Variants in OSBPL8 observed in about 807,000 individuals in gnomAD.
OSBPL8 encodes oxysterol-binding protein-related protein 8.
Under a neutral mutation model 125.5 loss-of-function variants are expected in OSBPL8, and 59 were observed. The ratio of observed to expected loss-of-function variants is 0.47; its 90% CI spans 0.38 to 0.58. The LOEUF is 0.58. Among genes scored for constraint, OSBPL8 ranks in the 20% least tolerant of loss-of-function variants. The probability of loss-of-function intolerance (pLI) is 0.00; values close to 1 mark genes in which losing one functional copy is unlikely to be tolerated. For synonymous variants in OSBPL8, 330 were observed against 338.9 expected (o/e 0.97, Z 0.29); for missense variants, 758 against 1,047.8 (o/e 0.72, Z 3.82).
intron 1 of OSBPL8, among the ~76,000 whole-genome samples, chr12:76,545,039 GTTAC>G (rs975965876): frequency 6.6e-6 from 1 of 152,124 alleles, no homozygotes; most frequent in Admixed American, 6.5e-5. Context: ...AGGTCACACA[GTTAC>G]TTACTAGGAA....
Position 76,426,357 on chromosome 12 carries a change from C to T in OSBPL8, c.218-15723G>A, listed in dbSNP as rs114235806. On this transcript the variant is annotated intron_variant, in intron 4 of 23. Coordinates refer to ENST00000261183, the MANE Select transcript of OSBPL8 (RefSeq NM_020841.5). ...TTTGAGTGTTGCCCAATCCATGAAT[C>T]GTTCTCACTCAAATACACTCTGTTA... 4.6e-3 allele frequency among the ~76,000 whole-genome samples: 693 copies of T among 152,274 alleles called. 7 individuals are homozygous for T. The highest frequency in any genetic ancestry group is 0.016 in the African/African-American group (661 of 41,554).
chr12:76,499,350 C>CTATCTATCTATCAATCATCT (rs71082312), intron 1 of OSBPL8, among the ~76,000 whole-genome samples: 1 of 107,480 alleles, frequency 9.3e-6, no homozygotes, highest in Non-Finnish European at 1.9e-5. Flanking sequence ...ATCTATCTAT[C>CTATCTATCTATCAATCATCT]ATCTATCTAT....
intron 1 of OSBPL8, among the ~76,000 whole-genome samples, chr12:76,537,630 C>T (rs1950535109): frequency 6.6e-6 from 1 of 152,068 alleles, no homozygotes; most frequent in African/African-American, 2.4e-5. Context: ...GACAACAGGC[C>T]AGGCACGGTG....
intron 1 of OSBPL8, among the ~76,000 whole-genome samples, chr12:76,551,469 A>G (rs1303825652): frequency 6.6e-6 from 1 of 152,246 alleles, no homozygotes; most frequent in East Asian, 1.9e-4. Context: ...AGAATTATCC[A>G]GCCCAAAATA....
At chr12:76,488,953 T>C (rs1206236223) in intron 1 of OSBPL8, among the ~76,000 whole-genome samples, 2 of 152,198 alleles carry the variant, frequency 1.3e-5, no homozygotes, top group Non-Finnish European at 2.9e-5. Context: ...GTAAAAGTTC[T>C]TGGAAGAAAT....
chr12:76,386,871 C>T (rs984272653), intron 12 of OSBPL8, among the ~76,000 whole-genome samples: 3 of 152,062 alleles, frequency 2.0e-5, no homozygotes, highest in Non-Finnish European at 4.4e-5. Context: ...TTTTCCTATT[C>T]TTTGATACAC....
chr12:76,512,197 TC>T (rs1245883397), intron 1 of OSBPL8, among the ~76,000 whole-genome samples: 4 of 152,320 alleles, frequency 2.6e-5, no homozygotes, highest in African/African-American at 9.6e-5. Context: ...ATCCTTTAAC[TC>T]CCACTTATAA....
intron 5 of OSBPL8, among the ~76,000 whole-genome samples, chr12:76,404,499 A>T (rs974762074): frequency 1.3e-5 from 2 of 152,088 alleles, no homozygotes; most frequent in African/African-American, 4.8e-5. Flanking sequence ...CGGAAGTTAC[A>T]CTGAGTGTAC....
chr12:76,457,325 GGT>G (rs1874178663), intron 3 of OSBPL8, among the ~76,000 whole-genome samples: 1 of 152,094 alleles, frequency 6.6e-6, no homozygotes, highest in Admixed American at 6.5e-5. Context: ...CAACGTGTAC[GGT>G]GTGTGTGAAA....
At position 76,364,591 on chromosome 12, in the gene OSBPL8, T is replaced by C. The variant is rs539157888; in HGVS notation, c.2328+4623A>G. On this transcript the variant is annotated intron_variant, in intron 21 of 23. Transcript: ENST00000261183. ...GTGCAGCAAACCACCATGGCACGTGTCTACCTATGTAACAAACCTGCACAT... is the reference window on the plus strand; with the variant it reads ...GTGCAGCAAACCACCATGGCACGTGCCTACCTATGTAACAAACCTGCACAT... Among the ~76,000 whole-genome samples, 91 of 152,318 alleles carry C rather than the reference T, an allele frequency of 6.0e-4. 1 individual carries two copies. Among genetic ancestry groups the C allele is most frequent in the African/African-American group, 2.0e-3 (85 of 41,556 alleles).
chr12:76,460,954 C>A (rs748901257), intron 2 of OSBPL8, among the ~76,000 whole-genome samples: 1 of 152,188 alleles, frequency 6.6e-6, no homozygotes, highest in Non-Finnish European at 1.5e-5. Flanking sequence ...TGAATAAAAT[C>A]TTGGACCTAT....
rs1347366685 is a variant in OSBPL8 at position 76,371,272 on chromosome 12, TTTATA to T, written c.2054+171_2054+175del. The stretch of plus-strand genomic sequence containing the variant: ...TTTGAGCTACAGAAAAGCAAGACGA[TTTATA>T]TTATATTTGACATTCATATACACAA... On this transcript the variant is annotated intron_variant, in intron 19 of 23. Transcript: ENST00000261183. 3.0e-5 allele frequency: 18 copies of T among 599,700 alleles called. No individual in the cohort carries two copies. In the South Asian group the frequency reaches 4.1e-4, roughly 13 times the overall value. 37.1% of individuals were successfully genotyped at this position (599,700 alleles called of 1,614,324 possible).
At chr12:76,400,327 G>T (rs1429812732) in intron 6 of OSBPL8, among the ~76,000 whole-genome samples, 2 of 152,178 alleles carry the variant, frequency 1.3e-5, no homozygotes, top group Non-Finnish European at 2.9e-5. Flanking sequence ...CTTTGTAAAA[G>T]ACATGATGTC....
At chr12:76,438,139 A>C (rs141182187) in intron 4 of OSBPL8, among the ~76,000 whole-genome samples, 1,569 of 151,434 alleles carry the variant, frequency 0.01, 35 homozygotes, top group African/African-American at 0.037. Flanking sequence ...GGCACGCACC[A>C]CCACGCCCAG....
At chr12:76,436,704 AACACG>A (rs1396084749) in intron 4 of OSBPL8, among the ~76,000 whole-genome samples, 1 of 152,176 alleles carries the variant, frequency 6.6e-6, no homozygotes, top group Non-Finnish European at 1.5e-5. Context: ...GAACTAGGAA[AACACG>A]ACAGAAACCA....
chr12:76,451,205 C>G (rs576213246), intron 3 of OSBPL8, among the ~76,000 whole-genome samples: 1 of 152,090 alleles, frequency 6.6e-6, no homozygotes, highest in South Asian at 2.1e-4. Context: ...GTCAAATATA[C>G]AAATTATAGA....
At chr12:76,366,564 T>A (rs911808603) in intron 21 of OSBPL8, 1 of 449,760 alleles carries the variant, frequency 2.2e-6, no homozygotes, top group Non-Finnish European at 4.4e-6. Flanking sequence ...ATCTTCATTA[T>A]TTTCTTCTTC....
intron 1 of OSBPL8, among the ~76,000 whole-genome samples, chr12:76,494,396 C>T (rs7315972): frequency 0.011 from 1,603 of 152,172 alleles, 39 homozygotes; most frequent in African/African-American, 0.037. Flanking sequence ...GAGCAAGGAA[C>T]AACATGATCT....
At chr12:76,515,846 C>T (rs987742920) in intron 1 of OSBPL8, among the ~76,000 whole-genome samples, 1 of 152,120 alleles carries the variant, frequency 6.6e-6, no homozygotes. Flanking sequence ...TCCATTCCTC[C>T]CTGTGAGAGC....
Sources: gnomAD v4.1 joint callset for allele counts (sites outside exome capture counted in the v4.1 genomes callset) on GRCh38, gnomAD v4.1.1 for gene constraint, MANE v1.5 for transcripts, NCBI Gene and HGNC (gene_info 2026-07-23, HGNC 2026-07-21) for gene names.